The following PCDH15 variants were observed in gnomAD, a reference collection of about 807,000 sequenced individuals.
The protein encoded by PCDH15 is protocadherin-15.
Under a neutral mutation model 178.5 loss-of-function variants are expected in PCDH15, and 129 were observed. The ratio of observed to expected loss-of-function variants is 0.72; its 90% CI spans 0.63 to 0.84. The LOEUF is 0.84. PCDH15 is among the 40% of genes least tolerant of loss of function. The pLI is 0.00. For missense variants in PCDH15, 2,230 were observed against 2,099.9 expected, an observed-to-expected ratio of 1.06 and a Z score of -1.21; for synonymous variants, 800 against 732.0, an observed-to-expected ratio of 1.09 and a Z score of -1.50.
chr10:55,352,516 A>G (rs988733742), intron 2 of PCDH15, among the ~76,000 whole-genome samples: 1 of 152,166 alleles, frequency 6.6e-6, no homozygotes, highest in South Asian at 2.1e-4. Flanking sequence ...GCAATCATCG[A>G]AGCTGATCCT....
At chr10:55,582,017 T>C (rs1161769028) in intron 2 of PCDH15, among the ~76,000 whole-genome samples, 7 of 152,124 alleles carry the variant, frequency 4.6e-5, no homozygotes, top group Non-Finnish European at 7.4e-5. Flanking sequence ...TGGAATGTAA[T>C]TGGGGAATCC....
intron 8 of PCDH15, among the ~76,000 whole-genome samples, chr10:54,241,046 A>T (rs554477055): frequency 2.0e-5 from 3 of 152,330 alleles, no homozygotes; most frequent in African/African-American, 7.2e-5. Flanking sequence ...GCAGATATTT[A>T]ACATAATTTT....
At chr10:54,523,164 G>A (rs571642415) in intron 3 of PCDH15, among the ~76,000 whole-genome samples, 7 of 152,146 alleles carry the variant, frequency 4.6e-5, no homozygotes, top group Non-Finnish European at 8.8e-5. Flanking sequence ...ATGACAAAAT[G>A]GAGAATCTAG....
chr10:55,028,775 GTGT>G (rs1205358717), intron 2 of PCDH15, among the ~76,000 whole-genome samples: 1 of 151,830 alleles, frequency 6.6e-6, no homozygotes, highest in Non-Finnish European at 1.5e-5. Flanking sequence ...TTTTTGTCTG[GTGT>G]TGTAAGCTAC....
In PCDH15 at chr10:54,438,904, T is replaced by C. The variant is rs144066523; in HGVS notation, c.158-59962A>G. Among the ~76,000 whole-genome samples, 740 of 152,238 alleles carry C rather than the reference T, an allele frequency of 4.9e-3. 9 individuals are homozygous for C. The highest frequency in any genetic ancestry group is 0.016 in the African/African-American group (685 of 41,554). ...AATTCACTGTCTATATGATAATTCTTAGAATGCCTAGTCCTCTCTTTACAT... is the reference window on the plus strand; with the variant it reads ...AATTCACTGTCTATATGATAATTCTCAGAATGCCTAGTCCTCTCTTTACAT... On this transcript the variant is annotated intron_variant, in intron 3 of 37. Coordinates refer to ENST00000644397, the MANE Select transcript of PCDH15 (RefSeq NM_001384140.1).
chr10:53,989,410 T>C (rs1193837680), intron 21 of PCDH15, among the ~76,000 whole-genome samples: 1 of 152,224 alleles, frequency 6.6e-6, no homozygotes, highest in Non-Finnish European at 1.5e-5. Flanking sequence ...TTAATTCTAA[T>C]ATTAATTTCA....
chr10:54,549,933 A>T (rs2086359673), intron 2 of PCDH15, among the ~76,000 whole-genome samples: 1 of 152,044 alleles, frequency 6.6e-6, no homozygotes, highest in Admixed American at 6.6e-5. Context: ...GGCCTTCTTT[A>T]TAGCTAGTGT....
At chr10:54,348,722 CA>C (rs1943710192) in intron 5 of PCDH15, among the ~76,000 whole-genome samples, 2 of 151,996 alleles carry the variant, frequency 1.3e-5, no homozygotes, top group East Asian at 3.9e-4. Context: ...AATCTATTTT[CA>C]AAAATAGATA....
chr10:53,899,693 A>T lies in PCDH15; in HGVS notation c.3501+3550T>A, dbSNP rs147147457. ...TCATGGGCTACTTCCCATTTTTAAAATCATCTTTCCTTCCTTCAAACACCA... is the reference window on the plus strand; with the variant it reads ...TCATGGGCTACTTCCCATTTTTAAATTCATCTTTCCTTCCTTCAAACACCA... On this transcript the variant is annotated intron_variant, in intron 26 of 37. Transcript: ENST00000644397. Among the ~76,000 whole-genome samples, 1,388 of 152,270 alleles carry T rather than the reference A, an allele frequency of 9.1e-3. 22 individuals carry two copies. The highest frequency in any genetic ancestry group is 0.028 in the African/African-American group (1,179 of 41,554).
chr10:55,088,128 G>T (rs1444150149), intron 2 of PCDH15, among the ~76,000 whole-genome samples: 3 of 151,910 alleles, frequency 2.0e-5, no homozygotes, highest in South Asian at 2.1e-4. Context: ...GTGTTATCTT[G>T]AATTATCTAT....
intron 1 of PCDH15, among the ~76,000 whole-genome samples, chr10:55,189,190 T>C (rs1839878563): frequency 6.6e-6 from 1 of 151,906 alleles, no homozygotes; most frequent in African/African-American, 2.4e-5. Context: ...ATATTTTGAC[T>C]GAATTAGCTA....
At chr10:55,420,589 T>C (rs1478216406) in intron 2 of PCDH15, among the ~76,000 whole-genome samples, 2 of 151,718 alleles carry the variant, frequency 1.3e-5, no homozygotes, top group Admixed American at 6.6e-5. Context: ...ATTTTGTTTT[T>C]AGCTGTCTTA....
At chr10:53,932,061 T>C (rs965776271) in intron 25 of PCDH15, among the ~76,000 whole-genome samples, 3 of 152,208 alleles carry the variant, frequency 2.0e-5, no homozygotes, top group Admixed American at 2.0e-4. Context: ...CTGAATACTC[T>C]TTGGGTCAGA....
chr10:54,407,249 A>G (rs2135562361), intron 3 of PCDH15, among the ~76,000 whole-genome samples: 1 of 152,252 alleles, frequency 6.6e-6, no homozygotes, highest in Non-Finnish European at 1.5e-5. Context: ...GGAACTCTTT[A>G]GAGTATTTAA....
intron 2 of PCDH15, among the ~76,000 whole-genome samples, chr10:54,961,472 G>A (rs1422481251): frequency 6.6e-6 from 1 of 152,222 alleles, no homozygotes; most frequent in African/African-American, 2.4e-5. Flanking sequence ...GCCAGGAATG[G>A]CTTGAGGCCT....
intron 3 of PCDH15, among the ~76,000 whole-genome samples, chr10:54,413,121 T>C (rs1056894968): frequency 6.6e-6 from 1 of 152,196 alleles, no homozygotes; most frequent in Non-Finnish European, 1.5e-5. Flanking sequence ...GCCCATAGTA[T>C]TGTATTCTAG....
intron 25 of PCDH15, among the ~76,000 whole-genome samples, chr10:53,928,760 A>C (rs1006726005): frequency 2.0e-5 from 3 of 152,042 alleles, no homozygotes; most frequent in Non-Finnish European, 1.5e-5. Context: ...ATTATTAATC[A>C]GTAATTAATA....
intron 26 of PCDH15, among the ~76,000 whole-genome samples, chr10:53,878,453 ATGTG>A (rs1441209764): frequency 7.0e-6 from 1 of 143,348 alleles, no homozygotes; most frequent in Non-Finnish European, 1.5e-5. Context: ...TATATATAAA[ATGTG>A]TGTGTATGCC....
intron 25 of PCDH15, among the ~76,000 whole-genome samples, chr10:53,912,823 T>C (rs1432296114): frequency 6.6e-6 from 1 of 152,212 alleles, no homozygotes; most frequent in Admixed American, 6.5e-5. Context: ...CATTCCATGC[T>C]CATGGATAGG....
Sources: gnomAD v4.1 joint callset for allele counts (sites outside exome capture counted in the v4.1 genomes callset) on GRCh38, gnomAD v4.1.1 for gene constraint, MANE v1.5 for transcripts, NCBI Gene and HGNC (gene_info 2026-07-23, HGNC 2026-07-21) for gene names.